The following CHST11 variants were observed in gnomAD, a reference collection of about 807,000 sequenced individuals.
CHST11 encodes the protein C4S-1.
A neutral mutation model predicts 30.4 loss-of-function variants in CHST11; 9 were observed. That is an observed-to-expected ratio of 0.30 (90% CI 0.18 to 0.52). CHST11 has a LOEUF of 0.52. CHST11 is among the 20% of genes least tolerant of loss of function. The pLI, the probability that CHST11 is intolerant of heterozygous loss-of-function variation, is 0.97. For missense variants in CHST11, 348 were observed against 460.6 expected (o/e 0.76, Z 2.24); for synonymous variants, 152 against 187.8 (o/e 0.81, Z 1.56).
At chr12:104,553,727 C>T (rs1188459026) in intron 1 of CHST11, among the ~76,000 whole-genome samples, 1 of 152,158 alleles carries the variant, frequency 6.6e-6, no homozygotes, top group Non-Finnish European at 1.5e-5. Context: ...TAGGTTCGTC[C>T]CCCAGCATTG....
intron 2 of CHST11, among the ~76,000 whole-genome samples, chr12:104,660,363 G>A (rs11112147): frequency 0.18 from 27,283 of 152,198 alleles, 2,792 homozygotes; most frequent in Admixed American, 0.24. Context: ...CATTGCCCAC[G>A]GGCTTGGCGC....
At chr12:104,583,993 G>A (rs1053123891) in intron 1 of CHST11, among the ~76,000 whole-genome samples, 7 of 152,172 alleles carry the variant, frequency 4.6e-5, no homozygotes, top group South Asian at 2.1e-4. Flanking sequence ...GATTACAGGC[G>A]TGAGCCACCG....
intron 2 of CHST11, among the ~76,000 whole-genome samples, chr12:104,707,851 C>T (rs1023109472): frequency 2.0e-5 from 3 of 152,206 alleles, no homozygotes; most frequent in Admixed American, 1.3e-4. Context: ...CATTCAAACA[C>T]ACACAGGTGC....
At chr12:104,474,416 T>C (rs1031460138) in intron 1 of CHST11, among the ~76,000 whole-genome samples, 12 of 152,316 alleles carry the variant, frequency 7.9e-5, no homozygotes, top group African/African-American at 2.9e-4. Context: ...CCTTGCTCAC[T>C]TTAGGATAAT....
chr12:104,722,877 A>C (rs2040189048), intron 2 of CHST11, among the ~76,000 whole-genome samples: 2 of 152,162 alleles, frequency 1.3e-5, no homozygotes, highest in African/African-American at 2.4e-5. Context: ...AACGCTCATA[A>C]GTGTCACTTC....
intron 1 of CHST11, among the ~76,000 whole-genome samples, chr12:104,567,398 C>G (rs1020594669): frequency 6.6e-6 from 1 of 152,126 alleles, no homozygotes; most frequent in East Asian, 1.9e-4. Flanking sequence ...TGATTAGTTT[C>G]TTTTTGGGTA....
rs547175111 is a variant in CHST11, at chr12:104,736,184, T to C, written c.205-20765T>C. 3.7e-4 allele frequency among the ~76,000 whole-genome samples: 57 copies of C among 152,204 alleles called. 1 individual carries two copies. Among genetic ancestry groups the C allele is most frequent in the African/African-American group, 1.3e-3 (54 of 41,526 alleles). On this transcript the variant is annotated intron_variant, in intron 2 of 2. Transcript: ENST00000303694. ...TGCTTCTCGCCTCTGGTATAAATCC[T>C]CCCTTCCCCAAAGTTCCCCCTGCAA...
In CHST11 at chr12:104,760,035, C is replaced by T. The variant is rs2040511073; in HGVS notation, c.*2232C>T. On this transcript the variant is annotated 3_prime_UTR_variant, in exon 3 of 3. Coordinates refer to ENST00000303694, the MANE Select transcript of CHST11 (RefSeq NM_018413.6). ...TTAAGAAACAAAGTTAAGTCAGTTT[C>T]CTTTCTGCAAGGACTTTTCAGCCTT... is the stretch of plus-strand genomic sequence containing the variant. 6.6e-6 allele frequency: 1 copy of T among 152,160 alleles called. No homozygotes were observed. Among genetic ancestry groups the T allele is most frequent in the African/African-American group, 2.4e-5 (1 of 41,432 alleles). 9.4% of individuals were successfully genotyped at this position (152,160 alleles called of 1,614,324 possible).
At chr12:104,641,578 A>G (rs1240549036) in intron 2 of CHST11, among the ~76,000 whole-genome samples, 1 of 152,206 alleles carries the variant, frequency 6.6e-6, no homozygotes, top group African/African-American at 2.4e-5. Flanking sequence ...GGGTCAGGGA[A>G]GTATCCTGCT....
intron 2 of CHST11, among the ~76,000 whole-genome samples, chr12:104,646,632 G>A (rs2136079058): frequency 9.5e-6 from 1 of 104,832 alleles, no homozygotes; most frequent in East Asian, 2.5e-4. Flanking sequence ...GTTGACTACA[G>A]AGGTTGCAGT....
chr12:104,586,513 T>C (rs1444091079), intron 1 of CHST11, among the ~76,000 whole-genome samples: 4 of 152,236 alleles, frequency 2.6e-5, no homozygotes, highest in Non-Finnish European at 5.9e-5. Flanking sequence ...CCCGCCATGC[T>C]TGAGTAGCTT....
At chr12:104,558,245 C>A (rs1247774005) in intron 1 of CHST11, among the ~76,000 whole-genome samples, 1 of 152,190 alleles carries the variant, frequency 6.6e-6, no homozygotes, top group African/African-American at 2.4e-5. Flanking sequence ...CCTGTCGAAG[C>A]CTTCGCACCT....
chr12:104,720,863 C>T (rs892767148), intron 2 of CHST11, among the ~76,000 whole-genome samples: 2 of 152,132 alleles, frequency 1.3e-5, no homozygotes, highest in Non-Finnish European at 1.5e-5. Flanking sequence ...AATGACAGCA[C>T]GTCTTATAGA....
At chr12:104,464,573 G>A (rs569133171) in intron 1 of CHST11, among the ~76,000 whole-genome samples, 1 of 152,156 alleles carries the variant, frequency 6.6e-6, no homozygotes, top group African/African-American at 2.4e-5. Context: ...GTGAGATCAC[G>A]GCTCACTGCA....
At chr12:104,499,618 T>G (rs1433815704) in intron 1 of CHST11, among the ~76,000 whole-genome samples, 1 of 152,142 alleles carries the variant, frequency 6.6e-6, no homozygotes, top group African/African-American at 2.4e-5. Flanking sequence ...AAGAAATCAT[T>G]ATTATGTAAA....
intron 2 of CHST11, among the ~76,000 whole-genome samples, chr12:104,664,054 A>C (rs2039620644): frequency 6.6e-6 from 1 of 152,156 alleles, no homozygotes; most frequent in Non-Finnish European, 1.5e-5. Flanking sequence ...TTCACTATGG[A>C]GTTGATTACT....
chr12:104,527,496 C>T (rs1042100166), intron 1 of CHST11, among the ~76,000 whole-genome samples: 2 of 152,156 alleles, frequency 1.3e-5, no homozygotes, highest in Non-Finnish European at 2.9e-5. Context: ...ACCTGCTCTG[C>T]GTGAGGCCCT....
chr12:104,685,517 C>A (rs1209790960), intron 2 of CHST11, among the ~76,000 whole-genome samples: 2 of 152,112 alleles, frequency 1.3e-5, no homozygotes, highest in Admixed American at 6.5e-5. Flanking sequence ...GGGTTGGCGA[C>A]CAGGGATTCA....
At chr12:104,495,039 A>G (rs1046187638) in intron 1 of CHST11, among the ~76,000 whole-genome samples, 1 of 152,132 alleles carries the variant, frequency 6.6e-6, no homozygotes, top group Non-Finnish European at 1.5e-5. Context: ...GAGTTTGATA[A>G]CTTGAGACAC....
Sources: gnomAD v4.1 joint callset for allele counts (sites outside exome capture counted in the v4.1 genomes callset) on GRCh38, gnomAD v4.1.1 for gene constraint, MANE v1.5 for transcripts, NCBI Gene and HGNC (gene_info 2026-07-23, HGNC 2026-07-21) for gene names.